Variants in CDH17 observed in about 807,000 individuals in gnomAD.
CDH17 encodes cadherin 17.
Under a neutral mutation model 86.3 loss-of-function variants are expected in CDH17, and 67 were observed. That is an observed-to-expected ratio of 0.78 (90% CI 0.64 to 0.95). CDH17 has a LOEUF of 0.95. Among genes scored for constraint, CDH17 ranks in the 40% least tolerant of loss-of-function variants. The probability of loss-of-function intolerance (pLI) is 0.00; values close to 1 mark genes in which losing one functional copy is unlikely to be tolerated. For missense variants in CDH17, 993 were observed against 1,017.6 expected, an observed-to-expected ratio of 0.98 and a Z score of 0.33; for synonymous variants, 367 against 366.4, an observed-to-expected ratio of 1.00 and a Z score of -0.02.
chr8:94,198,126 A>G (rs1032536686), intron 1 of CDH17, among the ~76,000 whole-genome samples: 4 of 152,178 alleles, frequency 2.6e-5, no homozygotes, highest in African/African-American at 7.2e-5. Flanking sequence ...AGAGCTGTAG[A>G]GATATACAAA....
upstream of CDH17, among the ~76,000 whole-genome samples, chr8:94,211,772 AAATAATATTTTAATTACTTAAT>A (rs1814125485): frequency 6.6e-6 from 1 of 152,236 alleles, no homozygotes; most frequent in Admixed American, 6.5e-5. Flanking sequence ...CAGAAGTGTA[AAATAATATTTTAATTACTTAAT>A]ATCTGTCTTG....
upstream of CDH17, among the ~76,000 whole-genome samples, chr8:94,210,142 G>C (rs1176959217): frequency 7.1e-6 from 1 of 140,988 alleles, no homozygotes; most frequent in Non-Finnish European, 1.5e-5. Flanking sequence ...AATCGGGACT[G>C]CAACCCTGTT....
chr8:94,183,440 T>A (rs1190830818), intron 3 of CDH17, among the ~76,000 whole-genome samples: 1 of 152,094 alleles, frequency 6.6e-6, no homozygotes, highest in East Asian at 1.9e-4. Context: ...TGATTTCTGA[T>A]GAGGATGCTA....
intron 12 of CDH17, among the ~76,000 whole-genome samples, chr8:94,157,779 G>C (rs946271230): frequency 2.0e-5 from 3 of 152,120 alleles, no homozygotes; most frequent in African/African-American, 7.2e-5. Flanking sequence ...AGCTGGGTGT[G>C]GTGGCACACA....
chr8:94,178,562 C>T (rs993808545), intron 3 of CDH17, among the ~76,000 whole-genome samples: 2 of 151,514 alleles, frequency 1.3e-5, no homozygotes, highest in Admixed American at 1.3e-4. Context: ...TTGAAAACTC[C>T]TAAATGGTCA....
At chr8:94,150,431 G>A (rs1460501839) in intron 13 of CDH17, among the ~76,000 whole-genome samples, 3 of 152,208 alleles carry the variant, frequency 2.0e-5, no homozygotes, top group African/African-American at 7.2e-5. Flanking sequence ...CTGAAGGATT[G>A]GATTCAAATC....
chr8:94,200,405 T>C (rs1156625726), intron 1 of CDH17, among the ~76,000 whole-genome samples: 1 of 152,124 alleles, frequency 6.6e-6, no homozygotes, highest in Non-Finnish European at 1.5e-5. Flanking sequence ...ACCGTCTGCG[T>C]GGAATTTTTG....
chr8:94,136,716 G>A (rs1458665413), intron 15 of CDH17, among the ~76,000 whole-genome samples: 1 of 152,212 alleles, frequency 6.6e-6, no homozygotes, highest in African/African-American at 2.4e-5. Flanking sequence ...TGGAGGAGAA[G>A]AGGCATTCTG....
intron 15 of CDH17, among the ~76,000 whole-genome samples, chr8:94,138,040 A>G (rs956519517): frequency 2.0e-5 from 3 of 152,158 alleles, no homozygotes; most frequent in Non-Finnish European, 4.4e-5. Context: ...GGTATGCATG[A>G]TATTATACCT....
intron 9 of CDH17, among the ~76,000 whole-genome samples, chr8:94,166,505 G>A (rs1468426255): frequency 1.3e-5 from 2 of 152,176 alleles, no homozygotes; most frequent in South Asian, 2.1e-4. Context: ...TCTGGGGGAG[G>A]GGGAAGATGT....
chr8:94,146,215 T>G (rs373858933), intron 14 of CDH17, 48 bp from the exon 15 acceptor site: 7 of 1,386,656 alleles, frequency 5.0e-6, no homozygotes, highest in Non-Finnish European at 6.6e-6. Context: ...CTCATTTTCC[T>G]CTTAATAAGA....
Position 94,146,065 on chromosome 8 carries a change from C to A in CDH17, c.2030G>T (p.Cys677Phe). The change falls in exon 15 of 18, where the codon TGC (cysteine) becomes TTC (phenylalanine). Residue 677 changes from cysteine to phenylalanine, a missense_variant. Physicochemically the swap from Cys to Phe is radical, Grantham distance 205. Coordinates refer to ENST00000027335, the MANE Select transcript of CDH17 (RefSeq NM_004063.4). ...ACTTCCAGGTGCACTGAGGGGATGG[C>A]AGAAGAACAAGCCCGTGTAGTCCTT... Reference protein sequence around the residue: ...LAKDYTGLFFCHPLSAPGSLI... With the variant: ...LAKDYTGLFFFHPLSAPGSLI... 6.2e-7 allele frequency: 1 copy of A among 1,613,658 alleles called. No individual in the cohort carries two copies. The highest frequency in any genetic ancestry group is 8.5e-7 in the Non-Finnish European group (1 of 1,179,736).
At chr8:94,170,058 A>T (rs1045647106) in intron 9 of CDH17, among the ~76,000 whole-genome samples, 1 of 152,190 alleles carries the variant, frequency 6.6e-6, no homozygotes, top group African/African-American at 2.4e-5. Context: ...AAGTCAAATA[A>T]CGTATGGGGA....
At chr8:94,210,490 A>T (rs1814106247), upstream of CDH17, among the ~76,000 whole-genome samples, 1 of 152,172 alleles carries the variant, frequency 6.6e-6, no homozygotes, top group Non-Finnish European at 1.5e-5. Context: ...GGTTAACAAG[A>T]TTCTGAGAGC....
chr8:94,197,197 G>C (rs775417840), intron 1 of CDH17: 2 of 152,060 alleles, frequency 1.3e-5, no homozygotes, highest in Non-Finnish European at 2.9e-5. Context: ...TGATGACCTC[G>C]GGTATTTATC....
intron 1 of CDH17, among the ~76,000 whole-genome samples, chr8:94,199,023 G>A: frequency 7.4e-6 from 1 of 135,506 alleles, no homozygotes; most frequent in South Asian, 2.3e-4. Flanking sequence ...CTTCCTCTCA[G>A]AGCCAGTTCT....
At chr8:94,193,078 T>C (rs1813717701) in intron 2 of CDH17, among the ~76,000 whole-genome samples, 1 of 152,160 alleles carries the variant, frequency 6.6e-6, no homozygotes, top group African/African-American at 2.4e-5. Flanking sequence ...GCTGTGCTTG[T>C]GGCTTTCACC....
chr8:94,192,900 A>T (rs944770943), intron 2 of CDH17, among the ~76,000 whole-genome samples: 2 of 152,228 alleles, frequency 1.3e-5, no homozygotes, highest in Admixed American at 6.5e-5. Flanking sequence ...ATCTACTCGC[A>T]GTCTGGAGTA....
upstream of CDH17, among the ~76,000 whole-genome samples, chr8:94,210,589 A>T (rs1276459576): frequency 6.6e-6 from 1 of 152,226 alleles, no homozygotes. Context: ...CCACCACTGC[A>T]TTTTAGGAAC....
Sources: allele counts gnomAD v4.1 joint callset (sites outside exome capture counted in the v4.1 genomes callset), GRCh38; gene constraint gnomAD v4.1.1; transcripts MANE v1.5; gene names NCBI Gene and HGNC (gene_info 2026-07-23, HGNC 2026-07-21).